SYNDIG1L: variants seen among roughly 807,000 people sequenced by gnomAD.
SYNDIG1L encodes synapse differentiation inducing 1 like.
SYNDIG1L carries 13 observed loss-of-function variants against 20.1 expected under a neutral mutation model. That is an observed-to-expected ratio of 0.65 (90% CI 0.42 to 1.03). The LOEUF is 1.03. SYNDIG1L is among the 50% of genes least tolerant of loss of function. SYNDIG1L has a pLI of 0.00. For missense variants in SYNDIG1L, 294 were observed against 305.1 expected (o/e 0.96, Z 0.27); for synonymous variants, 128 against 129.3 (o/e 0.99, Z 0.07).
At chr14:74,472,758 G>A in the SYNDIG1L span, among the ~76,000 whole-genome samples, 7 of 152,164 alleles carry the variant, frequency 4.6e-5, no homozygotes, top group Non-Finnish European at 8.8e-5. Context: ...TAAATGAAAA[G>A]GGGTTGTGGG....
intron 1 of SYNDIG1L, among the ~76,000 whole-genome samples, chr14:74,420,647 C>G (rs986943047): frequency 6.6e-6 from 1 of 152,044 alleles, no homozygotes; most frequent in Non-Finnish European, 1.5e-5. Flanking sequence ...GCTGCCGGTT[C>G]AAGAGGGTAG....
the SYNDIG1L span, among the ~76,000 whole-genome samples, chr14:74,443,573 G>A: frequency 1.3e-5 from 2 of 152,208 alleles, no homozygotes; most frequent in Non-Finnish European, 2.9e-5. Flanking sequence ...AATACACTTA[G>A]GATGGTGCTT....
chr14:74,461,694 C>T, the SYNDIG1L span, among the ~76,000 whole-genome samples: 1 of 151,820 alleles, frequency 6.6e-6, no homozygotes, highest in Non-Finnish European at 1.5e-5. Context: ...CTCCCTTGTC[C>T]TCATATCCTT....
At chr14:74,417,270 A>G (rs115586402) in intron 1 of SYNDIG1L, among the ~76,000 whole-genome samples, 6,119 of 152,320 alleles carry the variant, frequency 0.04, 185 homozygotes, top group African/African-American at 0.079. Context: ...CAAAGGTGAT[A>G]AAACAGCTGG....
chr14:74,459,664 G>A, the SYNDIG1L span, among the ~76,000 whole-genome samples: 1 of 152,166 alleles, frequency 6.6e-6, no homozygotes, highest in Non-Finnish European at 1.5e-5. Context: ...GAGCCTGTGG[G>A]GGGACATGCA....
the SYNDIG1L span, among the ~76,000 whole-genome samples, chr14:74,467,570 A>G: frequency 6.6e-6 from 1 of 152,204 alleles, no homozygotes; most frequent in African/African-American, 2.4e-5. Context: ...CTAGTCCATC[A>G]ACTGCTTCTC....
At chr14:74,439,251 G>A in the SYNDIG1L span, among the ~76,000 whole-genome samples, 11 of 152,238 alleles carry the variant, frequency 7.2e-5, 1 homozygote, top group African/African-American at 2.4e-4. Context: ...AGCACTCAGA[G>A]CGTTGTACTT....
chr14:74,439,764 A>G, the SYNDIG1L span, among the ~76,000 whole-genome samples: 34 of 151,898 alleles, frequency 2.2e-4, no homozygotes, highest in East Asian at 6.4e-3. Context: ...CTGTAATCTC[A>G]GCAACTCGGG....
chr14:74,416,402 G>T (rs1223386386), intron 1 of SYNDIG1L, among the ~76,000 whole-genome samples: 1 of 152,174 alleles, frequency 6.6e-6, no homozygotes, highest in African/African-American at 2.4e-5. Flanking sequence ...GGGAGGCCAA[G>T]GTGGGTGGAT....
At chr14:74,462,372 T>G in the SYNDIG1L span, among the ~76,000 whole-genome samples, 5 of 151,392 alleles carry the variant, frequency 3.3e-5, no homozygotes, top group Admixed American at 6.6e-5. Context: ...TAGTTCCAGC[T>G]ACTTGGGAGG....
At chr14:74,449,592 C>G in the SYNDIG1L span, among the ~76,000 whole-genome samples, 2 of 137,584 alleles carry the variant, frequency 1.5e-5, no homozygotes, top group African/African-American at 5.6e-5. Flanking sequence ...AGCCTGGTGA[C>G]AGAGCAAGAC....
chr14:74,416,943 C>A (rs1271772819), intron 1 of SYNDIG1L, among the ~76,000 whole-genome samples: 1 of 152,192 alleles, frequency 6.6e-6, no homozygotes, highest in Non-Finnish European at 1.5e-5. Context: ...CAGCACACAG[C>A]TGGTGAGTGG....
the SYNDIG1L span, among the ~76,000 whole-genome samples, chr14:74,473,332 A>G: frequency 3.9e-5 from 6 of 152,094 alleles, no homozygotes; most frequent in Non-Finnish European, 5.9e-5. Flanking sequence ...TTGCAGTGAG[A>G]TGAGATCATG....
At chr14:74,458,468 A>G in the SYNDIG1L span, among the ~76,000 whole-genome samples, 1 of 151,390 alleles carries the variant, frequency 6.6e-6, no homozygotes, top group African/African-American at 2.4e-5. Flanking sequence ...AAAAAAATAC[A>G]AAAATTAGCT....
chr14:74,424,899 G>T (rs1358835777), intron 1 of SYNDIG1L, among the ~76,000 whole-genome samples: 1 of 152,140 alleles, frequency 6.6e-6, no homozygotes, highest in Admixed American at 6.5e-5. Flanking sequence ...GGGTGAGGAG[G>T]ATGAGGTTGA....
At chr14:74,463,930 G>C in the SYNDIG1L span, among the ~76,000 whole-genome samples, 1 of 152,070 alleles carries the variant, frequency 6.6e-6, no homozygotes, top group East Asian at 1.9e-4. Flanking sequence ...CTGAACTAAG[G>C]GTAGGCTGAT....
In SYNDIG1L at chr14:74,407,210, T is replaced by G. The variant is rs551757972; in HGVS notation, c.*325A>C. 2.7e-6 allele frequency: 1 copy of G among 369,850 alleles called. No individual in the cohort carries two copies. Among genetic ancestry groups the G allele is most frequent in the Non-Finnish European group, 4.9e-6 (1 of 202,536 alleles). 22.9% of individuals were successfully genotyped at this position (369,850 alleles called of 1,614,324 possible). On this transcript the variant is annotated 3_prime_UTR_variant, in exon 4 of 4. Transcript: ENST00000331628. ...GGCAGGGTAGGTGGTGGGCTGGCTGTAGGGCAGGAGATCCTCTAGGGAATG... is the reference window on the plus strand; with the variant it reads ...GGCAGGGTAGGTGGTGGGCTGGCTGGAGGGCAGGAGATCCTCTAGGGAATG...
At chr14:74,441,986 G>C in the SYNDIG1L span, among the ~76,000 whole-genome samples, 2 of 152,186 alleles carry the variant, frequency 1.3e-5, no homozygotes, top group Non-Finnish European at 2.9e-5. Context: ...GCAGGGTCTA[G>C]AATCAGAAAA....
chr14:74,431,216 T>C, the SYNDIG1L span, among the ~76,000 whole-genome samples: 3 of 152,196 alleles, frequency 2.0e-5, no homozygotes, highest in South Asian at 6.2e-4. Flanking sequence ...TCTTTGTGCA[T>C]GTGTGTATTT....
Sources: gnomAD v4.1 joint callset for allele counts (sites outside exome capture counted in the v4.1 genomes callset) on GRCh38, gnomAD v4.1.1 for gene constraint, MANE v1.5 for transcripts, NCBI Gene and HGNC (gene_info 2026-07-23, HGNC 2026-07-21) for gene names.